The following GET1 variants were observed in gnomAD, a reference collection of about 807,000 sequenced individuals.
GET1 encodes congenital heart disease 5 protein.
Under a neutral mutation model 22.6 loss-of-function variants are expected in GET1, and 20 were observed. The ratio of observed to expected loss-of-function variants is 0.89; its 90% CI spans 0.62 to 1.29. The LOEUF (loss-of-function observed/expected upper bound fraction) is 1.29, where lower values mean the gene tolerates loss of function less well. Among genes scored for constraint, GET1 ranks in the 50% most tolerant of loss-of-function variants. GET1 has a pLI of 0.00. For synonymous variants in GET1, 92 were observed against 83.8 expected, an observed-to-expected ratio of 1.10 and a Z score of -0.53; for missense variants, 209 against 219.9, an observed-to-expected ratio of 0.95 and a Z score of 0.31.
chr21:39,403,781 A>G (rs1041622369), intron 4 of GET1, among the ~76,000 whole-genome samples: 1 of 150,600 alleles, frequency 6.6e-6, no homozygotes, highest in Non-Finnish European at 1.5e-5. Context: ...GCCACCACGC[A>G]TGGCTAATTT....
At chr21:39,413,083 A>G (rs978932880) in intron 1 of GET1, among the ~76,000 whole-genome samples, 1 of 152,228 alleles carries the variant, frequency 6.6e-6, no homozygotes, top group Non-Finnish European at 1.5e-5. Flanking sequence ...TTATTTGACC[A>G]GACTGAGAAG....
intron 4 of GET1, chr21:39,405,855 C>T: frequency 6.8e-7 from 1 of 1,478,708 alleles, no homozygotes; most frequent in Non-Finnish European, 9.1e-7. Context: ...TATATCAAAC[C>T]AGAATGCATT....
chr21:39,382,498 G>T (rs2037616100), intron 1 of GET1, among the ~76,000 whole-genome samples: 3 of 152,138 alleles, frequency 2.0e-5, no homozygotes, highest in Admixed American at 6.6e-5. Context: ...TCATATAAGT[G>T]GAATCAGACA....
At chr21:39,428,385 C>A (rs374126526) in exon 2 of GET1, 3 of 1,613,286 alleles carry the variant, frequency 1.9e-6, no homozygotes, top group Non-Finnish European at 2.5e-6. Context: ...CGTGAAAAAT[C>A]GCCTGTGCCT....
intron 1 of GET1, among the ~76,000 whole-genome samples, chr21:39,424,810 TAAAC>T (rs1308954152): frequency 2.0e-5 from 3 of 152,238 alleles, no homozygotes; most frequent in African/African-American, 7.2e-5. Flanking sequence ...GGGTCTATCT[TAAAC>T]AAAAAGTCTC....
downstream of GET1, among the ~76,000 whole-genome samples, chr21:39,399,803 CTT>C (rs576312319): frequency 6.4e-3 from 978 of 152,024 alleles, 7 homozygotes; most frequent in Middle Eastern, 0.017. Context: ...GCAGGTATCT[CTT>C]TGATTTAAAA....
At chr21:39,403,564 C>T (rs1040091548) in intron 4 of GET1, among the ~76,000 whole-genome samples, 4 of 145,538 alleles carry the variant, frequency 2.7e-5, no homozygotes, top group African/African-American at 1.0e-4. Flanking sequence ...CTTCATGATC[C>T]GCCCGCCTCG....
At chr21:39,402,524 T>G (rs527304217), downstream of GET1, among the ~76,000 whole-genome samples, 1 of 152,076 alleles carries the variant, frequency 6.6e-6, no homozygotes, top group Admixed American at 6.6e-5. Context: ...TCAGGAGGAG[T>G]CTGTGTTGCT....
rs1223098723 is a variant in GET1 at position 39,422,338 on chromosome 21, C to T, written c.*24-5894C>T. ...TCTTAATATGATATCAATGCCTTCT[C>T]CCAAGTCATCCCTTATAATGTAATC... is the stretch of plus-strand genomic sequence containing the variant. On this transcript the variant is annotated intron_variant, in intron 1 of 1. Transcript: ENST00000478273. The T allele has an allele frequency of 1.3e-5, 2 of 152,258 alleles. 1 individual carries two copies. The highest frequency in any genetic ancestry group is 4.8e-5 in the African/African-American group (2 of 41,454). The allele number at this position is 152,258 out of a possible 1,614,324, so 9.4% of individuals were successfully genotyped here.
At chr21:39,408,026 A>G (rs2039405740), downstream of GET1, 3 of 152,246 alleles carry the variant, frequency 2.0e-5, no homozygotes, top group South Asian at 6.2e-4. Context: ...AGGGCTCTCC[A>G]TGCTGCCTAA....
rs780510799 is a variant in GET1, at chr21:39,405,889, A to C, written c.350-25A>C. ...TTAGGATATTGATTATATTTAAATA[A>C]TTATTTTTCTTTTTCCTTCTGTAGG... On this transcript the variant is annotated intron_variant, in intron 4 of 4. Transcript: ENST00000415847. The C allele has an allele frequency of 3.8e-6, 6 of 1,573,810 alleles. No homozygotes were observed. The Admixed American group carries it at 1.1e-4, about 28-fold the overall frequency.
chr21:39,423,461 G>C, intron 1 of GET1: 2 of 1,566,782 alleles, frequency 1.3e-6, no homozygotes, highest in Non-Finnish European at 1.7e-6. Context: ...TTCCAGGTGT[G>C]CTTTTTTTCA....
At chr21:39,391,573 A>G (rs2038300357) in intron 2 of GET1, 196 bp from the exon 3 acceptor site, 1 of 557,168 alleles carries the variant, frequency 1.8e-6, no homozygotes, top group Admixed American at 3.3e-5. Context: ...TCTGAGTCGG[A>G]TACTATTTTA....
downstream of GET1, among the ~76,000 whole-genome samples, chr21:39,411,464 C>G (rs138344952): frequency 7.0e-4 from 107 of 152,264 alleles, no homozygotes; most frequent in African/African-American, 2.6e-3. Flanking sequence ...TTGCTTCAAG[C>G]TGAAGTTATC....
At chr21:39,382,315 A>G (rs2037603290) in intron 1 of GET1, among the ~76,000 whole-genome samples, 1 of 152,170 alleles carries the variant, frequency 6.6e-6, no homozygotes, top group African/African-American at 2.4e-5. Context: ...TTGGCCTCCC[A>G]AAGTGCTAGG....
chr21:39,423,609 CG>C (rs759075033), intron 1 of GET1: 87 of 791,660 alleles, frequency 1.1e-4, no homozygotes, highest in Middle Eastern at 2.9e-4. Flanking sequence ...TACACACAAG[CG>C]TAAGTGTAAC....
chr21:39,405,069 G>A (rs1292833370), intron 4 of GET1, among the ~76,000 whole-genome samples: 1 of 151,884 alleles, frequency 6.6e-6, no homozygotes, highest in Admixed American at 6.6e-5. Flanking sequence ...CTAACCTCAG[G>A]TGATCCACCT....
chr21:39,417,685 G>A (rs180888685), intron 1 of GET1, among the ~76,000 whole-genome samples: 31 of 152,292 alleles, frequency 2.0e-4, no homozygotes, highest in African/African-American at 6.7e-4. Context: ...CAAAGGAGGA[G>A]CAAAAGGACT....
intron 1 of GET1, among the ~76,000 whole-genome samples, chr21:39,412,157 A>C (rs139133612): frequency 6.6e-6 from 1 of 152,330 alleles, no homozygotes; most frequent in East Asian, 1.9e-4. Context: ...AATGAAAGTA[A>C]AACTAAAATT....
Sources: allele counts gnomAD v4.1 joint callset (sites outside exome capture counted in the v4.1 genomes callset), GRCh38; gene constraint gnomAD v4.1.1; transcripts MANE v1.5; gene names NCBI Gene and HGNC (gene_info 2026-07-23, HGNC 2026-07-21).